NAV3: variants seen among roughly 807,000 people sequenced by gnomAD.
The protein encoded by NAV3 is neuron navigator 3, also known as pore membrane and/or filament interacting like protein 1.
A neutral mutation model predicts 244.7 loss-of-function variants in NAV3; 87 were observed. The ratio of observed to expected loss-of-function variants is 0.36; its 90% CI spans 0.30 to 0.42. The LOEUF is 0.42. NAV3 is among the 20% of genes least tolerant of loss of function. The probability of loss-of-function intolerance (pLI) is 1.00; values close to 1 mark genes in which losing one functional copy is unlikely to be tolerated. For missense variants in NAV3, 2,663 were observed against 2,893.3 expected, an observed-to-expected ratio of 0.92 and a Z score of 1.83; for synonymous variants, 1,126 against 1,042.2, an observed-to-expected ratio of 1.08 and a Z score of -1.55.
At chr12:77,976,832 C>T (rs144742251) in intron 5 of NAV3, among the ~76,000 whole-genome samples, 1 of 151,740 alleles carries the variant, frequency 6.6e-6, no homozygotes, top group Non-Finnish European at 1.5e-5. Flanking sequence ...GCACACGCCA[C>T]CACATCTGGC....
rs1182074237 is a variant in NAV3, at chr12:78,140,349, T to A, written c.4683+15T>A. 1 of 1,608,304 alleles carries A rather than the reference T, an allele frequency of 6.2e-7. No individual in the cohort carries two copies. Among genetic ancestry groups the A allele is most frequent in the African/African-American group, 1.3e-5 (1 of 74,940 alleles). Reference sequence around the variant, plus strand: ...TTTACTCTACAGTAAGTAATGGCTGTTAAGAAAAAGCTTGTGCTTTTGCCA... The same window carrying A: ...TTTACTCTACAGTAAGTAATGGCTGATAAGAAAAAGCTTGTGCTTTTGCCA... On this transcript the variant is annotated intron_variant, in intron 20 of 39. Transcript: ENST00000397909.
At chr12:77,981,781 T>C (rs1375589104) in intron 5 of NAV3, among the ~76,000 whole-genome samples, 1 of 152,130 alleles carries the variant, frequency 6.6e-6, no homozygotes, top group Non-Finnish European at 1.5e-5. Context: ...TTTGTTTCTT[T>C]ATATTCCTCT....
chr12:78,197,900 C>T (rs1959204339), intron 35 of NAV3, among the ~76,000 whole-genome samples: 1 of 151,764 alleles, frequency 6.6e-6, no homozygotes, highest in Non-Finnish European at 1.5e-5. Context: ...TGGTTTCATT[C>T]TCAGTTCATA....
chr12:78,137,798 T>G (rs1041850718), intron 19 of NAV3, among the ~76,000 whole-genome samples: 1 of 152,182 alleles, frequency 6.6e-6, no homozygotes, highest in Non-Finnish European at 1.5e-5. Flanking sequence ...TTTTTTATTA[T>G]ATCATTTTAG....
intron 20 of NAV3, among the ~76,000 whole-genome samples, chr12:78,142,693 ACATATGTATGTG>A (rs1188582800): frequency 0.099 from 9,832 of 99,228 alleles, 827 homozygotes; most frequent in Admixed American, 0.17. Context: ...GTATATATAT[ACATATGTATGTG>A]TATATATATA....
intron 12 of NAV3, among the ~76,000 whole-genome samples, chr12:78,061,357 A>T (rs935730596): frequency 2.0e-5 from 3 of 152,222 alleles, no homozygotes; most frequent in African/African-American, 7.2e-5. Flanking sequence ...TAATGAGAAT[A>T]TTGATATGTT....
intron 3 of NAV3, among the ~76,000 whole-genome samples, chr12:77,952,284 G>C (rs1398651399): frequency 6.6e-6 from 1 of 151,958 alleles, no homozygotes; most frequent in Admixed American, 6.6e-5. Flanking sequence ...TTAGTGTTGT[G>C]TCTATTTTTA....
chr12:78,113,569 T>C (rs571695085), intron 12 of NAV3, among the ~76,000 whole-genome samples: 20 of 152,302 alleles, frequency 1.3e-4, no homozygotes, highest in African/African-American at 4.8e-4. Flanking sequence ...TTGGCCCTTA[T>C]TAGTTAAAGC....
At chr12:77,999,415 C>A (rs1872865661) in intron 7 of NAV3, among the ~76,000 whole-genome samples, 1 of 152,140 alleles carries the variant, frequency 6.6e-6, no homozygotes, top group Non-Finnish European at 1.5e-5. Context: ...AATAATTCAA[C>A]CATGTGGGAA....
intron 8 of NAV3, among the ~76,000 whole-genome samples, chr12:78,011,356 A>G (rs1369102407): frequency 6.6e-6 from 1 of 152,186 alleles, no homozygotes; most frequent in Non-Finnish European, 1.5e-5. Context: ...GCCTTCTGGG[A>G]GCTCAGTCTA....
At chr12:77,970,108 A>G (rs1289546091) in intron 5 of NAV3, among the ~76,000 whole-genome samples, 2 of 152,186 alleles carry the variant, frequency 1.3e-5, no homozygotes, top group African/African-American at 4.8e-5. Context: ...TGACTGGGGT[A>G]TTGGTTAGTT....
At chr12:78,162,487 A>G (rs1465708652) in intron 23 of NAV3, among the ~76,000 whole-genome samples, 2 of 152,024 alleles carry the variant, frequency 1.3e-5, no homozygotes, top group Non-Finnish European at 2.9e-5. Context: ...CATGGAGTTT[A>G]TATTTCTCAT....
At chr12:77,642,519 T>G (rs1259360277) in intron 2 of NAV3, among the ~76,000 whole-genome samples, 1 of 152,118 alleles carries the variant, frequency 6.6e-6, no homozygotes, top group Non-Finnish European at 1.5e-5. Context: ...TAATTGATTT[T>G]TCATTACCCC....
At chr12:77,663,519 C>CT (rs891602740) in intron 2 of NAV3, among the ~76,000 whole-genome samples, 4 of 141,930 alleles carry the variant, frequency 2.8e-5, no homozygotes, top group African/African-American at 1.2e-4. Context: ...TCTTCTTCTT[C>CT]TTCTTTTTTT....
chr12:78,194,793 G>A (rs911956575), intron 34 of NAV3, among the ~76,000 whole-genome samples: 1 of 151,928 alleles, frequency 6.6e-6, no homozygotes, highest in Non-Finnish European at 1.5e-5. Flanking sequence ...TCGTGTTTCT[G>A]ACTGGTTATT....
chr12:78,156,187 G>A (rs1036861372), intron 22 of NAV3, among the ~76,000 whole-genome samples: 1 of 152,064 alleles, frequency 6.6e-6, no homozygotes, highest in Admixed American at 6.6e-5. Context: ...GTATAAGGAA[G>A]TGGTCCAGTT....
rs181072413 is a variant in NAV3, at chr12:78,083,880, T to G, written c.2636+24765T>G. 9.8e-4 allele frequency among the ~76,000 whole-genome samples: 149 copies of G among 152,292 alleles called. 1 individual carries two copies. The highest frequency in any genetic ancestry group is 2.9e-3 in the African/African-American group (119 of 41,558). On this transcript the variant is annotated intron_variant, in intron 12 of 39. Coordinates refer to ENST00000397909, the MANE Select transcript of NAV3 (RefSeq NM_001024383.2). The stretch of plus-strand genomic sequence containing the variant: ...TCTTTGTACAAGTTAGGTTCCATGA[T>G]CTATTCAAAATAACCAGCCAAACAA...
intron 5 of NAV3, among the ~76,000 whole-genome samples, chr12:77,983,502 G>A (rs546494138): frequency 9.8e-5 from 15 of 152,300 alleles, no homozygotes; most frequent in East Asian, 7.7e-4. Flanking sequence ...TTTGGCCTTC[G>A]TAGGTTTAAG....
chr12:77,860,374 T>A (rs892223495), intron 1 of NAV3, among the ~76,000 whole-genome samples: 2 of 150,762 alleles, frequency 1.3e-5, no homozygotes, highest in African/African-American at 2.4e-5. Context: ...ATATACATTA[T>A]GTATACAAAA....
Sources: allele counts gnomAD v4.1 joint callset (sites outside exome capture counted in the v4.1 genomes callset), GRCh38; gene constraint gnomAD v4.1.1; transcripts MANE v1.5; gene names NCBI Gene and HGNC (gene_info 2026-07-23, HGNC 2026-07-21).